The following ARAP2 variants were observed in gnomAD, a reference collection of about 807,000 sequenced individuals.
ARAP2 encodes arf-GAP with Rho-GAP domain, ANK repeat and PH domain-containing protein 2.
ARAP2 carries 148 observed loss-of-function variants against 194.5 expected under a neutral mutation model. The ratio of observed to expected loss-of-function variants is 0.76; its 90% CI spans 0.67 to 0.87. ARAP2 has a LOEUF of 0.87. ARAP2 is among the 40% of genes least tolerant of loss of function. The pLI, the probability that ARAP2 is intolerant of heterozygous loss-of-function variation, is 0.00. For missense variants in ARAP2, 2,128 were observed against 1,989.7 expected, an observed-to-expected ratio of 1.07 and a Z score of -1.32; for synonymous variants, 695 against 683.5, an observed-to-expected ratio of 1.02 and a Z score of -0.26.
At chr4:36,178,245 G>T (rs1482366103) in intron 8 of ARAP2, among the ~76,000 whole-genome samples, 1 of 152,106 alleles carries the variant, frequency 6.6e-6, no homozygotes, top group African/African-American at 2.4e-5. Flanking sequence ...TATTAGAAAT[G>T]CAAAATCTCA....
intron 19 of ARAP2, among the ~76,000 whole-genome samples, chr4:36,136,816 T>TGC (rs1553916079): frequency 1.6e-3 from 229 of 145,274 alleles, no homozygotes; most frequent in African/African-American, 3.6e-3. Flanking sequence ...TGTGTGTGTG[T>TGC]GTGCGTGTCT....
intron 2 of ARAP2, among the ~76,000 whole-genome samples, chr4:36,222,259 G>C (rs1459707833): frequency 6.6e-6 from 1 of 151,928 alleles, no homozygotes; most frequent in Non-Finnish European, 1.5e-5. Flanking sequence ...CAGAACATAA[G>C]GCAGTGGCCT....
chr4:36,041,873 G>A (rs930380299), intron 5 of ARAP2, among the ~76,000 whole-genome samples: 1 of 152,120 alleles, frequency 6.6e-6, no homozygotes, highest in African/African-American at 2.4e-5. Context: ...TCTTTTGTGG[G>A]AACATGGATG....
intron 27 of ARAP2, among the ~76,000 whole-genome samples, chr4:36,096,323 C>A (rs1333736029): frequency 6.9e-6 from 1 of 145,424 alleles, no homozygotes; most frequent in African/African-American, 2.6e-5. Context: ...CTAGATTGTG[C>A]CAGTGCATTC....
intron 8 of ARAP2, 110 bp downstream of exon 8, chr4:36,187,341 A>T: frequency 1.8e-6 from 1 of 553,222 alleles, no homozygotes; most frequent in Non-Finnish European, 2.8e-6. Context: ...AATGTAAATT[A>T]TCAAAAAGTA....
chr4:36,033,739 T>C (rs879574949), intron 5 of ARAP2, among the ~76,000 whole-genome samples: 1 of 152,146 alleles, frequency 6.6e-6, no homozygotes, highest in African/African-American at 2.4e-5. Context: ...ACATCTAGAA[T>C]GGTATTAGCT....
At chr4:36,212,588 CTGAGT>C (rs1288974262) in intron 4 of ARAP2, 101 bp from the exon 5 acceptor site, 5 of 697,820 alleles carry the variant, frequency 7.2e-6, no homozygotes, top group Non-Finnish European at 1.2e-5. Context: ...TCCATAATAT[CTGAGT>C]TTAGTTTTAT....
intron 31 of ARAP2, among the ~76,000 whole-genome samples, chr4:36,075,439 C>G (rs1043537586): frequency 1.3e-5 from 2 of 152,078 alleles, no homozygotes; most frequent in African/African-American, 4.8e-5. Flanking sequence ...AGGTGAGGAT[C>G]AAACTTTCAT....
intron 27 of ARAP2, among the ~76,000 whole-genome samples, chr4:36,099,610 T>G (rs1235706349): frequency 6.6e-6 from 1 of 152,140 alleles, no homozygotes. Context: ...ATATTCATTT[T>G]GTATTTCCTG....
intron 5 of ARAP2, among the ~76,000 whole-genome samples, chr4:36,023,450 G>T (rs899914143): frequency 1.2e-4 from 18 of 152,102 alleles, no homozygotes; most frequent in African/African-American, 4.3e-4. Flanking sequence ...GGGGGTTAAT[G>T]CTCAGACTCC....
At chr4:36,095,031 T>G (rs138499995) in intron 27 of ARAP2, among the ~76,000 whole-genome samples, 1 of 152,314 alleles carries the variant, frequency 6.6e-6, no homozygotes, top group Non-Finnish European at 1.5e-5. Context: ...TATAAAGACA[T>G]GTCAGATTCA....
intron 2 of ARAP2, among the ~76,000 whole-genome samples, chr4:36,221,346 T>TA (rs531320430): frequency 2.3e-4 from 35 of 151,760 alleles, no homozygotes; most frequent in African/African-American, 3.6e-4. Flanking sequence ...AGCATACAGA[T>TA]AAAAAAAATG....
chr4:36,101,548 G>C (rs532658462), intron 27 of ARAP2, among the ~76,000 whole-genome samples: 1 of 151,828 alleles, frequency 6.6e-6, no homozygotes, highest in Non-Finnish European at 1.5e-5. Flanking sequence ...TTCAATGAAT[G>C]TATAATTTTC....
intron 6 of ARAP2, among the ~76,000 whole-genome samples, chr4:36,205,776 C>T (rs750975783): frequency 3.3e-5 from 5 of 152,154 alleles, no homozygotes; most frequent in South Asian, 2.1e-4. Flanking sequence ...CTGTCTGATT[C>T]CAAACCCTAT....
chr4:36,046,016 A>C (rs1482911695), exon 5 of ARAP2: 1 of 152,142 alleles, frequency 6.6e-6, no homozygotes, highest in Non-Finnish European at 1.5e-5. Context: ...GCTTCAGTAA[A>C]ATTTCAGAAT....
At chr4:36,148,771 A>T (rs1323781644) in intron 16 of ARAP2, among the ~76,000 whole-genome samples, 1 of 152,120 alleles carries the variant, frequency 6.6e-6, no homozygotes, top group Non-Finnish European at 1.5e-5. Context: ...TCATCAGTTG[A>T]CTGATGTAGC....
At chr4:36,082,587 A>G (rs777074580) in intron 29 of ARAP2, among the ~76,000 whole-genome samples, 25 of 152,158 alleles carry the variant, frequency 1.6e-4, no homozygotes, top group Non-Finnish European at 5.9e-5. Flanking sequence ...AAATAAGATA[A>G]TATAGAGAGA....
At chr4:36,071,458 C>T (rs909979566) in intron 32 of ARAP2, among the ~76,000 whole-genome samples, 6 of 152,144 alleles carry the variant, frequency 3.9e-5, no homozygotes, top group African/African-American at 1.4e-4. Flanking sequence ...TCAGCTGGCT[C>T]ACTACTAATT....
intron 21 of ARAP2, among the ~76,000 whole-genome samples, chr4:36,127,629 GAA>G (rs1201077072): frequency 1.3e-5 from 2 of 151,916 alleles, no homozygotes; most frequent in African/African-American, 2.4e-5. Flanking sequence ...TCCAAATCTT[GAA>G]AGAGATTAAA....
Sources: allele counts gnomAD v4.1 joint callset (sites outside exome capture counted in the v4.1 genomes callset), GRCh38; gene constraint gnomAD v4.1.1; transcripts MANE v1.5; gene names NCBI Gene and HGNC (gene_info 2026-07-23, HGNC 2026-07-21).